Variants in MYOM3 observed in about 807,000 individuals in gnomAD.
MYOM3 encodes the protein myomesin 3, also known as myomesin-3.
In MYOM3, 155 loss-of-function variants were observed where a neutral mutation model predicts 191.7. The observed-to-expected ratio is 0.81, with a 90% CI of 0.71 to 0.92. The LOEUF is 0.92. MYOM3 is among the 40% of genes least tolerant of loss of function. The pLI is 0.00. For missense variants in MYOM3, 1,889 were observed against 1,890.6 expected (o/e 1.00, Z 0.02); for synonymous variants, 757 against 762.9 (o/e 0.99, Z 0.13).
At chr1:24,060,931 G>A in intron 35 of MYOM3, 129 bp downstream of exon 35, 1 of 1,029,406 alleles carries the variant, frequency 9.7e-7, no homozygotes, top group South Asian at 1.4e-5. Context: ...CTGCAGCTCT[G>A]TAAGACCCTA....
Position 24,107,924 on chromosome 1 carries a change from G to A in MYOM3, c.242+69C>T, listed in dbSNP as rs565599444. The A allele has an allele frequency of 6.6e-6, 9 of 1,356,750 alleles. No individual in the cohort carries two copies. In the African/African-American group the frequency reaches 1.2e-4, roughly 18 times the overall value. 84.0% of individuals were successfully genotyped at this position (1,356,750 alleles called of 1,614,324 possible). On this transcript the variant is annotated intron_variant, in intron 3 of 36. Coordinates refer to ENST00000374434, the MANE Select transcript of MYOM3 (RefSeq NM_152372.4). ...TTACACTCGGGGTGAAAGGCCAGCA[G>A]GGAGGCCGGGGACTGGACAGGATGG...
intron 14 of MYOM3, 73 bp downstream of exon 14, chr1:24,089,465 G>A: frequency 6.7e-6 from 10 of 1,497,128 alleles, no homozygotes; most frequent in Admixed American, 2.3e-5. Context: ...CCTCCCCAGG[G>A]GACACTGCCC....
In MYOM3 at chr1:24,058,959, C is replaced by T; in HGVS notation, c.4015G>A (p.Gly1339Ser). 1 of 1,612,166 alleles carries T rather than the reference C, an allele frequency of 6.2e-7. No individual in the cohort carries two copies. The highest frequency in any genetic ancestry group is 8.5e-7 in the Non-Finnish European group (1 of 1,179,360). ...ATGATAGTGGCCACATCCGGCAGAC[C>T]TCTCACCACTTTGGCACGATCTGGA... Reference protein sequence around the residue: ...IEKNRAKVVRGLPDVATIMED... With the variant: ...IEKNRAKVVRSLPDVATIMED... Residue 1339 changes from glycine to serine, a missense_variant, in exon 36 of 37, where the codon GGT becomes AGT. Coordinates refer to ENST00000374434, the MANE Select transcript of MYOM3 (RefSeq NM_152372.4).
At chr1:24,070,028 C>G (rs563402996) in intron 25 of MYOM3, among the ~76,000 whole-genome samples, 2 of 152,262 alleles carry the variant, frequency 1.3e-5, no homozygotes, top group South Asian at 4.1e-4. Context: ...CAGCAGTAAA[C>G]AGTTGAATAT....
In MYOM3 at chr1:24,061,313, TAAG is replaced by T. The variant is rs754758387; in HGVS notation, c.3935-7_3935-5del. ...TCAGCCATTGCATCCTCAAAAGCTA[TAAG>T]AAGGACAGAGGAGAATGGGGGCCAT... On this transcript the variant is annotated splice_region_variant and splice_polypyrimidine_tract_variant and intron_variant, in intron 33 of 36. Transcript: ENST00000374434. 2.6e-5 allele frequency: 42 copies of T among 1,613,838 alleles called. No homozygotes were observed. In the South Asian group the frequency reaches 3.0e-4, roughly 11 times the overall value.
intron 7 of MYOM3, among the ~76,000 whole-genome samples, chr1:24,096,520 A>G (rs1643878995): frequency 6.6e-6 from 1 of 152,310 alleles, no homozygotes; most frequent in African/African-American, 2.4e-5. Flanking sequence ...CTGTGGGGAC[A>G]GCTCAAATTT....
intron 35 of MYOM3, among the ~76,000 whole-genome samples, chr1:24,059,872 A>C (rs1314576600): frequency 1.3e-5 from 2 of 152,162 alleles, no homozygotes; most frequent in Admixed American, 1.3e-4. Context: ...ACCAGGGATC[A>C]GGGATGTGCA....
At chr1:24,103,994 A>G (rs993870908) in intron 5 of MYOM3, among the ~76,000 whole-genome samples, 7 of 152,140 alleles carry the variant, frequency 4.6e-5, no homozygotes, top group Non-Finnish European at 1.0e-4. Flanking sequence ...CCTACCCTCT[A>G]GGCCAGCTGA....
chr1:24,093,555 G>A (rs1035661196), intron 9 of MYOM3, among the ~76,000 whole-genome samples: 5 of 151,964 alleles, frequency 3.3e-5, no homozygotes, highest in Non-Finnish European at 5.9e-5. Context: ...AGGACGTGTC[G>A]TGGGGTCAGG....
rs149941510 is a variant in MYOM3, at chr1:24,077,639, G to A, written c.2587-1366C>T. On this transcript the variant is annotated intron_variant, in intron 20 of 36. Transcript: ENST00000374434. ...CCCCCTCAATTGCAGCATTTATCAC[G>A]CAGTATTGTTATTGCCTGCTACCCA... Among the ~76,000 whole-genome samples the A allele has an allele frequency of 4.0e-3, 613 of 152,294 alleles. 2 individuals carry two copies. The highest frequency in any genetic ancestry group is 0.017 in the Middle Eastern group (5 of 294).
At chr1:24,061,897 A>C (rs745994791) in intron 33 of MYOM3, 49 bp downstream of exon 33, 7 of 1,608,236 alleles carry the variant, frequency 4.4e-6, no homozygotes, top group Non-Finnish European at 6.0e-6. Flanking sequence ...CAGACTGTCC[A>C]TGGGATTTTC....
chr1:24,066,934 C>T lies in MYOM3; in HGVS notation c.3423+87G>A, dbSNP rs532623748. On this transcript the variant is annotated intron_variant, in intron 28 of 36. Transcript: ENST00000374434. ...GCACAGAGTATGGAATTTAGGGGGC[C>T]GGGTGGGCAGGGACAGCAACTGGGC... is the stretch of plus-strand genomic sequence containing the variant. 149 of 1,124,104 alleles carry T rather than the reference C, an allele frequency of 1.3e-4. No individual in the cohort carries two copies. In the African/African-American group the frequency reaches 1.9e-3, roughly 14 times the overall value. 69.6% of individuals were successfully genotyped at this position (1,124,104 alleles called of 1,614,324 possible). A position where few individuals can be genotyped will look rare whatever the true frequency, so the allele number is the denominator to read the frequency against.
intron 33 of MYOM3, 145 bp downstream of exon 33, chr1:24,061,801 A>G: frequency 4.8e-6 from 4 of 832,384 alleles, no homozygotes; most frequent in Non-Finnish European, 7.7e-6. Flanking sequence ...TATGTTGCCC[A>G]GACTGGTCTC....
In MYOM3 at chr1:24,082,647, C is replaced by A; in HGVS notation, c.2038G>T (p.Gly680Trp). 2 of 1,612,854 alleles carry A rather than the reference C, an allele frequency of 1.2e-6. No individual in the cohort carries two copies. Among genetic ancestry groups the A allele is most frequent in the Non-Finnish European group, 8.5e-7 (1 of 1,179,566 alleles). ...EFCVRSVSEA[G>W]VGESSAATEP... ...GTGGCGGCTGAGCTCTCGCCTACCC[C>A]AGCCTCGCTGACTGACCTGACACAA... The change falls in exon 17 of 37, where the codon GGG becomes TGG. Residue 680 changes from glycine to tryptophan, a missense_variant. Gly to Trp is a radical substitution (Grantham distance 184). Coordinates refer to ENST00000374434, the MANE Select transcript of MYOM3 (RefSeq NM_152372.4).
intron 9 of MYOM3, among the ~76,000 whole-genome samples, chr1:24,093,470 C>T (rs909299123): frequency 2.0e-5 from 3 of 151,488 alleles, no homozygotes; most frequent in African/African-American, 4.9e-5. Flanking sequence ...AAGGAGGGCC[C>T]GTTTGGGGGA....
chr1:24,071,321 C>T (rs1643530136), intron 24 of MYOM3, 68 bp from the exon 25 acceptor site: 6 of 1,527,440 alleles, frequency 3.9e-6, no homozygotes, highest in Non-Finnish European at 5.3e-6. Context: ...CTTCCAGCCC[C>T]ACCTTGAGCA....
chr1:24,096,783 G>T (rs906228387), intron 7 of MYOM3, among the ~76,000 whole-genome samples: 1 of 152,052 alleles, frequency 6.6e-6, no homozygotes, highest in Non-Finnish European at 1.5e-5. Context: ...TCTCCCGGGG[G>T]TCCTGGAACT....
chr1:24,070,589 AAAAC>A (rs1427556258), intron 25 of MYOM3, among the ~76,000 whole-genome samples: 4 of 152,142 alleles, frequency 2.6e-5, no homozygotes, highest in Non-Finnish European at 5.9e-5. Context: ...TTCTGTCTCA[AAAAC>A]AAACAAAAAC....
chr1:24,062,739 A>G (rs1304753402), intron 32 of MYOM3, among the ~76,000 whole-genome samples: 1 of 152,156 alleles, frequency 6.6e-6, no homozygotes, highest in Non-Finnish European at 1.5e-5. Context: ...GAGGCCCACA[A>G]GGGTCCCCTG....
Sources: allele counts gnomAD v4.1 joint callset (sites outside exome capture counted in the v4.1 genomes callset), GRCh38; gene constraint gnomAD v4.1.1; transcripts MANE v1.5; gene names NCBI Gene and HGNC (gene_info 2026-07-23, HGNC 2026-07-21).